The following RAB31 variants were observed in gnomAD, a reference collection of about 807,000 sequenced individuals.
RAB31 encodes ras-related protein Rab-31.
A neutral mutation model predicts 25.6 loss-of-function variants in RAB31; 21 were observed. The ratio of observed to expected loss-of-function variants is 0.82; its 90% CI spans 0.58 to 1.18. RAB31 has a LOEUF of 1.18. Among genes scored for constraint, RAB31 ranks in the 50% most tolerant of loss-of-function variants. The pLI, the probability that RAB31 is intolerant of heterozygous loss-of-function variation, is 0.00. For synonymous variants in RAB31, 87 were observed against 84.0 expected (o/e 1.04, Z -0.20); for missense variants, 196 against 250.1 (o/e 0.78, Z 1.46).
chr18:9,765,280 T>C (rs996936123), intron 1 of RAB31, among the ~76,000 whole-genome samples: 3 of 152,226 alleles, frequency 2.0e-5, no homozygotes, highest in Non-Finnish European at 2.9e-5. Flanking sequence ...TGATACTGTG[T>C]TTTCCACAAA....
chr18:9,796,117 T>C (rs2068485880), intron 3 of RAB31, among the ~76,000 whole-genome samples: 1 of 152,242 alleles, frequency 6.6e-6, no homozygotes, highest in Admixed American at 6.5e-5. Context: ...GAGACCATTA[T>C]TCTAAATGAA....
chr18:9,815,036 G>A lies in RAB31; in HGVS notation c.274-80G>A, dbSNP rs2068593789. On this transcript the variant is annotated intron_variant, in intron 4 of 6. Transcript: ENST00000578921. The stretch of plus-strand genomic sequence containing the variant: ...TAAAAATATTTTTCTCCATTAAATT[G>A]TACTGGGCTTGTATTTCTGCTTAGT... The A allele has an allele frequency of 2.9e-6, 3 of 1,034,768 alleles. No homozygotes were observed. The East Asian group carries it at 7.9e-5, about 27-fold the overall frequency. The allele number at this position is 1,034,768 out of a possible 1,614,324, so 64.1% of individuals were successfully genotyped here.
At chr18:9,756,078 A>G (rs184475792) in intron 1 of RAB31, among the ~76,000 whole-genome samples, 2 of 152,294 alleles carry the variant, frequency 1.3e-5, no homozygotes, top group East Asian at 3.9e-4. Flanking sequence ...GAAGTGCTGG[A>G]TGATTGGAGA....
intron 1 of RAB31, among the ~76,000 whole-genome samples, chr18:9,763,625 G>T (rs2068299999): frequency 1.5e-5 from 2 of 135,408 alleles, no homozygotes; most frequent in African/African-American, 2.7e-5. Flanking sequence ...TATATATATG[G>T]TGAAAAAGTT....
chr18:9,770,017 C>A (rs1054858067), intron 1 of RAB31, among the ~76,000 whole-genome samples: 1 of 152,162 alleles, frequency 6.6e-6, no homozygotes, highest in African/African-American at 2.4e-5. Flanking sequence ...GTTGAACCAG[C>A]CTTGCGTCCC....
chr18:9,833,315 G>A (rs2068688542), intron 5 of RAB31, among the ~76,000 whole-genome samples: 1 of 152,168 alleles, frequency 6.6e-6, no homozygotes, highest in South Asian at 2.1e-4. Flanking sequence ...GGCTCCTGGG[G>A]TTCTGCCCGC....
At chr18:9,816,388 G>GGTT (rs755550779) in intron 5 of RAB31, among the ~76,000 whole-genome samples, 2 of 152,060 alleles carry the variant, frequency 1.3e-5, no homozygotes, top group Non-Finnish European at 2.9e-5. Flanking sequence ...TGGGCTAGAT[G>GGTT]GTTTTGTTAT....
chr18:9,720,567 A>C (rs1680959970), intron 1 of RAB31, among the ~76,000 whole-genome samples: 1 of 151,804 alleles, frequency 6.6e-6, no homozygotes, highest in South Asian at 2.1e-4. Flanking sequence ...GAGTGGCTTC[A>C]CTTACATGAG....
At chr18:9,833,590 A>G (rs539639639) in intron 5 of RAB31, among the ~76,000 whole-genome samples, 9 of 152,336 alleles carry the variant, frequency 5.9e-5, no homozygotes, top group Non-Finnish European at 7.3e-5. Context: ...AGATGGCATT[A>G]GGATTGTAAG....
chr18:9,817,013 A>G (rs2068602192), intron 5 of RAB31, among the ~76,000 whole-genome samples: 2 of 152,208 alleles, frequency 1.3e-5, no homozygotes, highest in South Asian at 2.1e-4. Context: ...TTGGTTTATA[A>G]TAACAGCCAT....
intron 2 of RAB31, among the ~76,000 whole-genome samples, chr18:9,782,390 C>T (rs191531696): frequency 5.8e-4 from 89 of 152,328 alleles, no homozygotes; most frequent in African/African-American, 1.8e-3. Context: ...TGGAATCACA[C>T]GACCATTGGT....
intron 1 of RAB31, among the ~76,000 whole-genome samples, chr18:9,749,704 C>G (rs1031797052): frequency 3.9e-5 from 6 of 152,180 alleles, no homozygotes; most frequent in Non-Finnish European, 7.3e-5. Context: ...GAATTGTTCC[C>G]ATGAATGGCT....
intron 1 of RAB31, among the ~76,000 whole-genome samples, chr18:9,773,257 C>T (rs1346263096): frequency 1.3e-5 from 2 of 152,198 alleles, no homozygotes; most frequent in African/African-American, 2.4e-5. Context: ...AGATTGCCAA[C>T]TGGTATTTCA....
At chr18:9,710,102 G>A (rs747994862) in intron 1 of RAB31, among the ~76,000 whole-genome samples, 1 of 152,138 alleles carries the variant, frequency 6.6e-6, no homozygotes, top group African/African-American at 2.4e-5. Flanking sequence ...TTCAGTTTCG[G>A]TGTTTAGGGA....
At chr18:9,726,737 C>T (rs1345372356) in intron 1 of RAB31, among the ~76,000 whole-genome samples, 5 of 152,020 alleles carry the variant, frequency 3.3e-5, no homozygotes, top group Non-Finnish European at 7.4e-5. Context: ...TTCATTCATT[C>T]GACTAAATTT....
intron 5 of RAB31, among the ~76,000 whole-genome samples, chr18:9,825,345 C>A (rs2068644580): frequency 6.6e-6 from 1 of 152,130 alleles, no homozygotes; most frequent in African/African-American, 2.4e-5. Flanking sequence ...AGCTTTGTCT[C>A]AGAAAGTCTG....
intron 5 of RAB31, among the ~76,000 whole-genome samples, chr18:9,844,008 A>G (rs1270967289): frequency 6.6e-6 from 1 of 152,146 alleles, no homozygotes; most frequent in African/African-American, 2.4e-5. Context: ...GCGCTCTCCC[A>G]TCACTCTCTG....
chr18:9,845,760 T>C (rs768608953), intron 6 of RAB31, 69 bp downstream of exon 6: 345 of 1,464,750 alleles, frequency 2.4e-4, no homozygotes, highest in Non-Finnish European at 3.1e-4. Context: ...AAGGATAACA[T>C]TTTAGAACTC....
intron 1 of RAB31, among the ~76,000 whole-genome samples, chr18:9,742,368 G>A (rs977750392): frequency 3.3e-5 from 5 of 152,168 alleles, no homozygotes; most frequent in African/African-American, 9.7e-5. Context: ...TTGTCTGGGC[G>A]GATGGTCCGG....
Sources: gnomAD v4.1 joint callset for allele counts (sites outside exome capture counted in the v4.1 genomes callset) on GRCh38, gnomAD v4.1.1 for gene constraint, MANE v1.5 for transcripts, NCBI Gene and HGNC (gene_info 2026-07-23, HGNC 2026-07-21) for gene names.